TRHDE: variants seen among roughly 807,000 people sequenced by gnomAD.
TRHDE encodes the protein thyrotropin-releasing hormone-degrading ectoenzyme.
TRHDE carries 72 observed loss-of-function variants against 125.7 expected under a neutral mutation model. The ratio of observed to expected loss-of-function variants is 0.57; its 90% CI spans 0.47 to 0.70. The LOEUF is 0.70. TRHDE is among the 30% of genes least tolerant of loss of function. The pLI, the probability that TRHDE is intolerant of heterozygous loss-of-function variation, is 0.00. For missense variants in TRHDE, 1,110 were observed against 1,327.1 expected (o/e 0.84, Z 2.54); for synonymous variants, 509 against 509.1 (o/e 1.00, Z 0.00).
At chr12:72,096,134 T>TATACACACACACACACACACACAC (rs1555218842) in intron 1 of TRHDE, among the ~76,000 whole-genome samples, 16 of 145,100 alleles carry the variant, frequency 1.1e-4, no homozygotes, top group African/African-American at 4.1e-4. Flanking sequence ...CTTATGTGTA[T>TATACACACACACACACACACACAC]ACACACACAC....
At chr12:72,308,607 G>A (rs1222184188) in intron 2 of TRHDE, among the ~76,000 whole-genome samples, 1 of 152,116 alleles carries the variant, frequency 6.6e-6, no homozygotes, top group Non-Finnish European at 1.5e-5. Flanking sequence ...AAGCTAACAA[G>A]CCCAGTCCAG....
chr12:72,624,798 T>G (rs1873191978), intron 15 of TRHDE, among the ~76,000 whole-genome samples: 1 of 151,910 alleles, frequency 6.6e-6, no homozygotes, highest in African/African-American at 2.4e-5. Context: ...ATTTGGAGAC[T>G]AAGCTCAACA....
At chr12:72,644,847 G>A (rs1874215742) in intron 15 of TRHDE, among the ~76,000 whole-genome samples, 1 of 152,168 alleles carries the variant, frequency 6.6e-6, no homozygotes, top group Non-Finnish European at 1.5e-5. Context: ...GTGCAGGCTA[G>A]CCACTGAGGG....
At chr12:72,372,624 C>A (rs1871659673) in intron 2 of TRHDE, among the ~76,000 whole-genome samples, 1 of 152,172 alleles carries the variant, frequency 6.6e-6, no homozygotes, top group Non-Finnish European at 1.5e-5. Context: ...CCAGTTTTCC[C>A]AGCACCATTT....
intron 2 of TRHDE, among the ~76,000 whole-genome samples, chr12:72,240,581 G>GT (rs1277279045): frequency 1.4e-5 from 2 of 145,292 alleles, no homozygotes; most frequent in Non-Finnish European, 3.0e-5. Context: ...TTTTTTTTTT[G>GT]TTTTTTGAGA....
chr12:72,371,437 A>G (rs980591971), intron 2 of TRHDE, among the ~76,000 whole-genome samples: 2 of 151,404 alleles, frequency 1.3e-5, no homozygotes, highest in Non-Finnish European at 2.9e-5. Context: ...CATGTGCACA[A>G]TGTGCAGGTT....
chr12:72,519,053 A>C (rs980878811), intron 6 of TRHDE, among the ~76,000 whole-genome samples: 1 of 152,160 alleles, frequency 6.6e-6, no homozygotes, highest in African/African-American at 2.4e-5. Flanking sequence ...GGGTAACCCA[A>C]CCTTTCCCTC....
intron 6 of TRHDE, among the ~76,000 whole-genome samples, chr12:72,501,199 G>T (rs1878140666): frequency 6.6e-6 from 1 of 151,808 alleles, no homozygotes; most frequent in Non-Finnish European, 1.5e-5. Flanking sequence ...TACATAGAAT[G>T]CAATTCATTT....
At chr12:72,563,741 T>A (rs1262223625) in intron 9 of TRHDE, among the ~76,000 whole-genome samples, 3 of 150,416 alleles carry the variant, frequency 2.0e-5, no homozygotes, top group African/African-American at 7.4e-5. Context: ...AAAACTTAAA[T>A]CATTCCATTT....
At chr12:72,328,438 TG>T (rs1215195921) in intron 2 of TRHDE, among the ~76,000 whole-genome samples, 1 of 148,680 alleles carries the variant, frequency 6.7e-6, no homozygotes, top group Non-Finnish European at 1.5e-5. Context: ...AAAATGCTTG[TG>T]CATAAGCCTA....
At chr12:72,283,517 C>T (rs1162952378) in intron 1 of TRHDE, among the ~76,000 whole-genome samples, 1 of 152,140 alleles carries the variant, frequency 6.6e-6, no homozygotes, top group Non-Finnish European at 1.5e-5. Flanking sequence ...TAGATATATA[C>T]TGTGTGTATG....
At chr12:72,322,339 A>G (rs1869134028) in intron 2 of TRHDE, among the ~76,000 whole-genome samples, 1 of 152,088 alleles carries the variant, frequency 6.6e-6, no homozygotes, top group Non-Finnish European at 1.5e-5. Flanking sequence ...GCTATTTAAA[A>G]TGGCCCCCAA....
chr12:72,481,333 A>C (rs1361991314), intron 5 of TRHDE, among the ~76,000 whole-genome samples: 2 of 151,488 alleles, frequency 1.3e-5, no homozygotes, highest in East Asian at 1.9e-4. Flanking sequence ...AAAAAAAAAA[A>C]AAACCAGAAA....
intron 2 of TRHDE, among the ~76,000 whole-genome samples, chr12:72,240,802 G>T (rs192563342): frequency 6.6e-6 from 1 of 152,118 alleles, no homozygotes; most frequent in Admixed American, 6.5e-5. Flanking sequence ...TCGATTTCCT[G>T]ACCTCGTGAT....
At chr12:72,305,647 G>A (rs1039579921) in intron 2 of TRHDE, among the ~76,000 whole-genome samples, 1 of 152,184 alleles carries the variant, frequency 6.6e-6, no homozygotes, top group Non-Finnish European at 1.5e-5. Context: ...GGTTTAATAT[G>A]CAGGAGAAAG....
At chr12:72,110,807 C>G (rs1875298333) in intron 2 of TRHDE, among the ~76,000 whole-genome samples, 1 of 152,086 alleles carries the variant, frequency 6.6e-6, no homozygotes, top group Admixed American at 6.6e-5. Context: ...ATAACTCTAG[C>G]AGAAACTGTT....
chr12:72,474,829 T>C (rs1394124207), intron 5 of TRHDE, among the ~76,000 whole-genome samples: 1 of 150,936 alleles, frequency 6.6e-6, no homozygotes, highest in Non-Finnish European at 1.5e-5. Context: ...TCATATAACT[T>C]CTCCAACATA....
intron 15 of TRHDE, among the ~76,000 whole-genome samples, chr12:72,640,472 G>A (rs893028530): frequency 9.2e-5 from 14 of 152,212 alleles, no homozygotes; most frequent in Non-Finnish European, 1.8e-4. Flanking sequence ...CTTCTGCATC[G>A]CTCACACTGG....
At position 72,509,548 on chromosome 12, in the gene TRHDE, G is replaced by C. The variant is rs77008009; in HGVS notation, c.1722+9913G>C. On this transcript the variant is annotated intron_variant, in intron 6 of 18. Transcript: ENST00000261180. The stretch of plus-strand genomic sequence containing the variant: ...TGTAGGAAAAATGTTACTCCACATA[G>C]TGTCATGGTCCCAGCTTGCTCTCCT... Among the ~76,000 whole-genome samples, 94 of 152,270 alleles carry C rather than the reference G, an allele frequency of 6.2e-4. No homozygotes were observed. The East Asian group carries it at 0.01, about 16-fold the overall frequency.
Sources: allele counts gnomAD v4.1 joint callset (sites outside exome capture counted in the v4.1 genomes callset), GRCh38; gene constraint gnomAD v4.1.1; transcripts MANE v1.5; gene names NCBI Gene and HGNC (gene_info 2026-07-23, HGNC 2026-07-21).